Variants in NRG2 observed in about 807,000 individuals in gnomAD.
NRG2 encodes the protein pro-neuregulin-2, membrane-bound isoform.
Under a neutral mutation model 73.9 loss-of-function variants are expected in NRG2, and 27 were observed. The ratio of observed to expected loss-of-function variants is 0.37; its 90% CI spans 0.27 to 0.50. NRG2 has a LOEUF of 0.50. Among genes scored for constraint, NRG2 ranks in the 20% least tolerant of loss-of-function variants. The probability of loss-of-function intolerance (pLI) is 0.96; values close to 1 mark genes in which losing one functional copy is unlikely to be tolerated. For synonymous variants in NRG2, 532 were observed against 541.0 expected (o/e 0.98, Z 0.23); for missense variants, 1,126 against 1,210.1 (o/e 0.93, Z 1.03).
intron 1 of NRG2, among the ~76,000 whole-genome samples, chr5:140,026,988 T>G (rs1239410027): frequency 3.3e-5 from 5 of 152,136 alleles, no homozygotes; most frequent in African/African-American, 1.2e-4. Flanking sequence ...GTCTTTTTTG[T>G]TTTTGTTTTT....
intron 1 of NRG2, among the ~76,000 whole-genome samples, chr5:140,041,002 T>A (rs530492559): frequency 1.3e-5 from 2 of 152,270 alleles, no homozygotes; most frequent in Admixed American, 1.3e-4. Flanking sequence ...TGTCTAGATA[T>A]ACTCCCATCA....
Position 139,974,148 on chromosome 5 carries a change from A to G in NRG2, c.700+68222T>C, listed in dbSNP as rs1756199393. On this transcript the variant is annotated intron_variant, in intron 1 of 9. Coordinates refer to ENST00000361474, the MANE Select transcript of NRG2 (RefSeq NM_004883.3). ...TTTGCTCTGGAGATAAAAATGTTTCATTCAGGTAAAATAATCCAATAGCTT... is the reference window on the plus strand; with the variant it reads ...TTTGCTCTGGAGATAAAAATGTTTCGTTCAGGTAAAATAATCCAATAGCTT... Among the ~76,000 whole-genome samples, 3 of 152,142 alleles carry G rather than the reference A, an allele frequency of 2.0e-5. No individual in the cohort carries two copies. The South Asian group carries it at 6.2e-4, about 32-fold the overall frequency.
chr5:139,882,375 C>A (rs536859378), intron 2 of NRG2, among the ~76,000 whole-genome samples: 5 of 152,174 alleles, frequency 3.3e-5, no homozygotes. Context: ...AACAAGGGTG[C>A]TACAAGATGG....
intron 5 of NRG2, among the ~76,000 whole-genome samples, chr5:139,862,477 G>A (rs369054935): frequency 1.2e-4 from 18 of 152,344 alleles, no homozygotes; most frequent in African/African-American, 4.8e-5. Flanking sequence ...CTGAGTCACC[G>A]GAAGGTCCTA....
chr5:139,984,926 C>G (rs903862550), intron 1 of NRG2, among the ~76,000 whole-genome samples: 1 of 152,210 alleles, frequency 6.6e-6, no homozygotes, highest in Non-Finnish European at 1.5e-5. Context: ...CAGATACTTG[C>G]ATAGCATACC....
At chr5:139,959,367 TTTTG>T (rs752005492) in intron 1 of NRG2, among the ~76,000 whole-genome samples, 32 of 151,494 alleles carry the variant, frequency 2.1e-4, no homozygotes, top group East Asian at 3.9e-4. Flanking sequence ...ACCTGGCTAA[TTTTG>T]TTTGTTTGTT....
intron 1 of NRG2, among the ~76,000 whole-genome samples, chr5:140,009,698 G>A (rs1439686116): frequency 6.6e-6 from 1 of 152,168 alleles, no homozygotes; most frequent in South Asian, 2.1e-4. Context: ...AAATTTGGAA[G>A]TAACCAAGAT....
In NRG2 at chr5:139,870,603, C is replaced by T. The variant is rs1373997159; in HGVS notation, c.1112+1118G>A. ...GGTCAAACATCTCTCTCTGAATCCC[C>T]ATCAATGTTTTGGTGGCCTTTGCCC... is the stretch of plus-strand genomic sequence containing the variant. On this transcript the variant is annotated intron_variant, in intron 4 of 9. Transcript: ENST00000361474. This position sits in a 1 kb window ranked among gnomAD's most constrained non-coding sequence, Gnocchi z 4.4. Among the ~76,000 whole-genome samples, 1 of 152,202 alleles carries T rather than the reference C, an allele frequency of 6.6e-6. No individual in the cohort carries two copies. The highest frequency in any genetic ancestry group is 1.5e-5 in the Non-Finnish European group (1 of 68,028).
At chr5:139,901,005 C>T (rs1222388070) in intron 1 of NRG2, among the ~76,000 whole-genome samples, 2 of 152,242 alleles carry the variant, frequency 1.3e-5, no homozygotes, top group Admixed American at 1.3e-4. Flanking sequence ...GAAGGAATGG[C>T]CCAGCTCATA....
chr5:139,987,855 A>G (rs1254673511), intron 1 of NRG2, among the ~76,000 whole-genome samples: 1 of 150,348 alleles, frequency 6.7e-6, no homozygotes, highest in Non-Finnish European at 1.5e-5. Flanking sequence ...GCTCACTGCA[A>G]GCTCCACCTC....
Position 139,926,094 on chromosome 5 carries a change from A to T in NRG2, c.701-38583T>A, listed in dbSNP as rs926040856. ...TAACACAGCAACAGGGTGTGGAGAG[A>T]GCCTAGGGCCTTCCTCTGACACAGG... On this transcript the variant is annotated intron_variant, in intron 1 of 9. Coordinates refer to ENST00000361474, the MANE Select transcript of NRG2 (RefSeq NM_004883.3). Among the ~76,000 whole-genome samples, 4 of 152,328 alleles carry T rather than the reference A, an allele frequency of 2.6e-5. No individual in the cohort carries two copies. The East Asian group carries it at 7.7e-4, about 29-fold the overall frequency.
intron 1 of NRG2, among the ~76,000 whole-genome samples, chr5:139,996,045 G>A (rs1757989916): frequency 6.6e-6 from 1 of 151,846 alleles, no homozygotes; most frequent in African/African-American, 2.4e-5. Context: ...GAAAAGAAGG[G>A]AAAACATCAG....
chr5:139,969,985 C>G (rs1755850454), intron 1 of NRG2, among the ~76,000 whole-genome samples: 3 of 152,178 alleles, frequency 2.0e-5, no homozygotes, highest in African/African-American at 7.2e-5. Context: ...CATTGTGCCC[C>G]TCACTTTACA....
chr5:139,934,158 C>T (rs1752677082), intron 1 of NRG2, among the ~76,000 whole-genome samples: 1 of 152,154 alleles, frequency 6.6e-6, no homozygotes, highest in Non-Finnish European at 1.5e-5. Context: ...GTGATTGTGC[C>T]ACTGCACTCC....
At chr5:140,037,706 G>A (rs1451802069) in intron 1 of NRG2, among the ~76,000 whole-genome samples, 8 of 151,872 alleles carry the variant, frequency 5.3e-5, no homozygotes, top group Non-Finnish European at 1.0e-4. Context: ...TCAGGAGTTC[G>A]AGGCCAGCCA....
At chr5:139,973,741 C>T (rs898026375) in intron 1 of NRG2, among the ~76,000 whole-genome samples, 7 of 152,152 alleles carry the variant, frequency 4.6e-5, no homozygotes, top group African/African-American at 1.7e-4. Context: ...GCCAAAAGTT[C>T]AAGATAAAGA....
chr5:139,968,085 C>A (rs1256434079), intron 1 of NRG2, among the ~76,000 whole-genome samples: 3 of 152,198 alleles, frequency 2.0e-5, no homozygotes, highest in Non-Finnish European at 4.4e-5. Flanking sequence ...GCCATGCTGA[C>A]CCCCAAGGCC....
chr5:139,869,426 A>C lies in NRG2; in HGVS notation c.1112+2295T>G, dbSNP rs1762692660. 1 of 152,246 alleles carries C rather than the reference A, an allele frequency of 6.6e-6. No individual in the cohort carries two copies. The highest frequency in any genetic ancestry group is 6.5e-5 in the Admixed American group (1 of 15,286). The allele number at this position is 152,246 out of a possible 1,614,324, so 9.4% of individuals were successfully genotyped here. On this transcript the variant is annotated intron_variant, in intron 4 of 9. Coordinates refer to ENST00000361474, the MANE Select transcript of NRG2 (RefSeq NM_004883.3). The surrounding 1 kb of genome is among the most constrained non-coding windows in gnomAD (Gnocchi z 4.5). ...TCCTAAGTTCTTTCCTTTTTATTCC[A>C]TTCAGGTGTCATCAGGAACCCCAAG...
At chr5:139,863,035 C>A (rs1283142196) in intron 5 of NRG2, among the ~76,000 whole-genome samples, 1 of 152,224 alleles carries the variant, frequency 6.6e-6, no homozygotes, top group Non-Finnish European at 1.5e-5. Flanking sequence ...CCCCCGCATA[C>A]CAGTTGTAGC....
Sources: gnomAD v4.1 joint callset for allele counts (sites outside exome capture counted in the v4.1 genomes callset) on GRCh38, gnomAD v4.1.1 for gene constraint, Gnocchi (gnomAD v3.1) non-coding constraint, MANE v1.5 for transcripts, NCBI Gene and HGNC (gene_info 2026-07-23, HGNC 2026-07-21) for gene names.